Variants in IL1RAPL2 observed in about 807,000 individuals in gnomAD.
IL1RAPL2 encodes the protein interleukin 1 receptor accessory protein like 2, also known as X-linked interleukin-1 receptor accessory protein-like 2.
A neutral mutation model predicts 44.1 loss-of-function variants in IL1RAPL2; 3 were observed. The ratio of observed to expected loss-of-function variants is 0.07; its 90% CI spans 0.03 to 0.18. The LOEUF (loss-of-function observed/expected upper bound fraction) is 0.18. Ranked by LOEUF, IL1RAPL2 falls within the 10% of genes least tolerant of loss-of-function variation. IL1RAPL2 has a pLI of 1.00. For synonymous variants in IL1RAPL2, 181 were observed against 178.8 expected (o/e 1.01, Z -0.10); for missense variants, 391 against 496.4 (o/e 0.79, Z 2.02).
chrX:105,013,447 G>A (rs754929866), intron 2 of IL1RAPL2, among the ~76,000 whole-genome samples: 5 of 110,378 alleles, frequency 4.5e-5, no homozygotes, highest in South Asian at 3.9e-4. Context: ...AAGAGGTAGC[G>A]ATACTCTGGT....
At chrX:105,280,237 T>G (rs1328066501) in intron 5 of IL1RAPL2, among the ~76,000 whole-genome samples, 4 of 111,685 alleles carry the variant, frequency 3.6e-5, no homozygotes, top group Non-Finnish European at 7.5e-5. Context: ...TGCAGAAAAC[T>G]GAAACTGGAC....
chrX:104,809,215 A>G (rs779318265), intron 2 of IL1RAPL2, among the ~76,000 whole-genome samples: 1 of 111,549 alleles, frequency 9.0e-6, no homozygotes, highest in Admixed American at 9.5e-5. Flanking sequence ...CTTAACATCA[A>G]CCTTAGCCAC....
rs191761055 is a variant in IL1RAPL2, at chrX:105,344,156, A to G, written c.697+76615A>G. ...GTGATCTACCCACCTCAGCCTCCCA[A>G]AGTGCTGGGATTACACATGTGAGCC... is the stretch of plus-strand genomic sequence containing the variant. On this transcript the variant is annotated intron_variant, in intron 5 of 10. Transcript: ENST00000372582. 5.1e-3 allele frequency among the ~76,000 whole-genome samples: 571 copies of G among 112,196 alleles called. 7 individuals carry two copies. The highest frequency in any genetic ancestry group is 0.016 in the African/African-American group (490 of 30,924).
chrX:104,784,790 A>G (rs1485665055), intron 2 of IL1RAPL2, among the ~76,000 whole-genome samples: 1 of 107,967 alleles, frequency 9.3e-6, no homozygotes, highest in Non-Finnish European at 1.9e-5. Context: ...AAATCTCTAA[A>G]CATCTGTAAC....
intron 5 of IL1RAPL2, among the ~76,000 whole-genome samples, chrX:105,269,769 G>A (rs2034433132): frequency 9.0e-6 from 1 of 111,719 alleles, no homozygotes; most frequent in African/African-American, 3.2e-5. Context: ...GGCTTGCAGA[G>A]CACTTCCATT....
chrX:104,943,061 A>G (rs759195532), intron 2 of IL1RAPL2, among the ~76,000 whole-genome samples: 2 of 111,585 alleles, frequency 1.8e-5, no homozygotes, highest in South Asian at 7.7e-4. Context: ...TTCGTGGTGG[A>G]TAAGCTTTTT....
chrX:104,873,016 G>A (rs1242533175), intron 2 of IL1RAPL2, among the ~76,000 whole-genome samples: 1 of 111,731 alleles, frequency 9.0e-6, no homozygotes, highest in Non-Finnish European at 1.9e-5. Flanking sequence ...AATTGCGTAT[G>A]TGTATATAGA....
intron 2 of IL1RAPL2, among the ~76,000 whole-genome samples, chrX:104,666,735 C>T (rs1930493132): frequency 9.0e-6 from 1 of 111,634 alleles, no homozygotes; most frequent in Admixed American, 9.5e-5. Flanking sequence ...TGTGGCTTTG[C>T]TGACTTCTAC....
At chrX:105,026,628 A>G (rs2031377522) in intron 2 of IL1RAPL2, among the ~76,000 whole-genome samples, 1 of 111,047 alleles carries the variant, frequency 9.0e-6, no homozygotes, top group Admixed American at 9.7e-5. Context: ...CTAGGAATTA[A>G]CCAAAGAAAT....
chrX:105,296,021 C>A (rs1000822062), intron 5 of IL1RAPL2, among the ~76,000 whole-genome samples: 10 of 111,305 alleles, frequency 9.0e-5, no homozygotes, highest in Middle Eastern at 4.6e-3. Context: ...CATGTCATTA[C>A]CTTTGTCCAG....
chrX:104,845,419 A>C (rs1424380671), intron 2 of IL1RAPL2, among the ~76,000 whole-genome samples: 9 of 112,408 alleles, frequency 8.0e-5, no homozygotes, highest in African/African-American at 2.6e-4. Context: ...TGGGAATAGA[A>C]ATTGCAGTGG....
rs770002589 is a variant in IL1RAPL2, at chrX:104,895,232, A to T, written c.82+236237A>T. On this transcript the variant is annotated intron_variant, in intron 2 of 10. Transcript: ENST00000372582. ...CTCCCAGTTAGACTACTCGGGGGTC[A>T]GGGACCCACTTGAGGAGGCAGTCTG... 6.2e-5 allele frequency among the ~76,000 whole-genome samples: 7 copies of T among 112,547 alleles called. No individual in the cohort carries two copies. In the South Asian group the frequency reaches 2.6e-3, roughly 42 times the overall value.
At chrX:105,730,368 A>T (rs774025120) in intron 7 of IL1RAPL2, among the ~76,000 whole-genome samples, 1 of 111,593 alleles carries the variant, frequency 9.0e-6, no homozygotes, top group African/African-American at 3.2e-5. Context: ...TATATAAAGC[A>T]AATATTTTTA....
intron 3 of IL1RAPL2, among the ~76,000 whole-genome samples, chrX:105,198,109 G>A (rs1176590519): frequency 1.8e-5 from 2 of 111,729 alleles, no homozygotes; most frequent in African/African-American, 6.5e-5. Flanking sequence ...ATTCCATGGT[G>A]TATATATATG....
rs150366764 is a variant in IL1RAPL2, at chrX:105,161,360, A to C, written c.83-34115A>C. ...TGAATTTAAAATTGGATTTTTGGTAACAAGATATGAGGCAAATGGGTACAA... is the reference window on the plus strand; with the variant it reads ...TGAATTTAAAATTGGATTTTTGGTACCAAGATATGAGGCAAATGGGTACAA... On this transcript the variant is annotated intron_variant, in intron 2 of 10. Coordinates refer to ENST00000372582, the MANE Select transcript of IL1RAPL2 (RefSeq NM_017416.2). Among the ~76,000 whole-genome samples, 460 of 110,389 alleles carry C rather than the reference A, an allele frequency of 4.2e-3. 2 individuals carry two copies. The highest frequency in any genetic ancestry group is 0.014 in the African/African-American group (428 of 30,422).
At position 105,487,014 on chromosome X, in the gene IL1RAPL2, C is replaced by T. The variant is rs1483900524; in HGVS notation, c.772+2627C>T. Reference sequence around the variant, plus strand: ...GGCTGAGGCAGGAGAATGGTGTGAACCCTGGAGGTGGAGCTTGCAGTGAGC... The same window carrying T: ...GGCTGAGGCAGGAGAATGGTGTGAATCCTGGAGGTGGAGCTTGCAGTGAGC... On this transcript the variant is annotated intron_variant, in intron 6 of 10. Coordinates refer to ENST00000372582, the MANE Select transcript of IL1RAPL2 (RefSeq NM_017416.2). Among the ~76,000 whole-genome samples, 6 of 105,291 alleles carry T rather than the reference C, an allele frequency of 5.7e-5. No individual in the cohort carries two copies. In the Admixed American group the frequency reaches 6.1e-4, roughly 11 times the overall value. The allele number at this position is 105,291 out of a possible 115,157, so 91.4% of individuals were successfully genotyped here.
intron 5 of IL1RAPL2, among the ~76,000 whole-genome samples, chrX:105,276,943 A>G (rs1401527416): frequency 8.9e-6 from 1 of 111,958 alleles, no homozygotes; most frequent in East Asian, 2.8e-4. Context: ...CGATCCAACA[A>G]GAGTGAAAGG....
At chrX:105,199,652 A>G (rs192127540) in intron 3 of IL1RAPL2, among the ~76,000 whole-genome samples, 1 of 111,670 alleles carries the variant, frequency 9.0e-6, no homozygotes, top group East Asian at 2.8e-4. Context: ...GGCCTTTTTT[A>G]TGTCTATTTT....
intron 2 of IL1RAPL2, among the ~76,000 whole-genome samples, chrX:104,827,411 G>A (rs960406491): frequency 2.7e-5 from 3 of 110,767 alleles, no homozygotes; most frequent in South Asian, 3.8e-4. Flanking sequence ...TATGAAATTC[G>A]TGGTTGAAAA....
Sources: allele counts gnomAD v4.1 joint callset (sites outside exome capture counted in the v4.1 genomes callset), GRCh38; gene constraint gnomAD v4.1.1; transcripts MANE v1.5; gene names NCBI Gene and HGNC (gene_info 2026-07-23, HGNC 2026-07-21).